Variants in SLC24A2 observed in about 807,000 individuals in gnomAD.
SLC24A2 encodes sodium/potassium/calcium exchanger 2.
Under a neutral mutation model 62.0 loss-of-function variants are expected in SLC24A2, and 36 were observed. The observed-to-expected ratio is 0.58, with a 90% CI of 0.44 to 0.77. SLC24A2 has a LOEUF of 0.77. SLC24A2 is among the 30% of genes least tolerant of loss of function. The pLI, the probability that SLC24A2 is intolerant of heterozygous loss-of-function variation, is 0.00. For missense variants in SLC24A2, 846 were observed against 817.9 expected (o/e 1.03, Z -0.42); for synonymous variants, 358 against 294.0 (o/e 1.22, Z -2.23).
At chr9:19,525,765 GTTTTTTTTTTTT>G (rs71496823) in intron 9 of SLC24A2, among the ~76,000 whole-genome samples, 7 of 99,132 alleles carry the variant, frequency 7.1e-5, no homozygotes, top group African/African-American at 7.7e-5. Context: ...ACATGCTACT[GTTTTTTTTTTTT>G]TTTTTTTTTT....
At chr9:20,047,716 A>C in the SLC24A2 span, among the ~76,000 whole-genome samples, 1 of 150,062 alleles carries the variant, frequency 6.7e-6, no homozygotes, top group Non-Finnish European at 1.5e-5. Flanking sequence ...TCTCTTCAAT[A>C]AAGAAACTAA....
chr9:19,863,104 T>C, the SLC24A2 span, among the ~76,000 whole-genome samples: 1 of 151,976 alleles, frequency 6.6e-6, no homozygotes, highest in Non-Finnish European at 1.5e-5. Flanking sequence ...GTTGCTGTAC[T>C]TATGCAAAAT....
intron 2 of SLC24A2, among the ~76,000 whole-genome samples, chr9:19,763,433 G>T (rs1441907064): frequency 6.6e-6 from 1 of 152,198 alleles, no homozygotes; most frequent in Non-Finnish European, 1.5e-5. Flanking sequence ...TGTCCATTCA[G>T]TATGATATTG....
the SLC24A2 span, among the ~76,000 whole-genome samples, chr9:20,268,138 G>C: frequency 1.3e-5 from 2 of 152,200 alleles, no homozygotes; most frequent in Non-Finnish European, 2.9e-5. Flanking sequence ...GATTAACACT[G>C]ATGTGGGAAG....
chr9:19,575,958 A>G (rs1313890469), intron 6 of SLC24A2, among the ~76,000 whole-genome samples: 1 of 137,712 alleles, frequency 7.3e-6, no homozygotes, highest in Admixed American at 6.9e-5. Context: ...AGAAGCATAA[A>G]GAAGCAGAAA....
At chr9:19,608,914 C>A (rs1837067777) in intron 4 of SLC24A2, among the ~76,000 whole-genome samples, 1 of 152,162 alleles carries the variant, frequency 6.6e-6, no homozygotes, top group Non-Finnish European at 1.5e-5. Flanking sequence ...CTCAAAGGAA[C>A]CACGTTTTGG....
At chr9:19,551,325 C>T (rs1377369737) in intron 7 of SLC24A2, among the ~76,000 whole-genome samples, 1 of 152,224 alleles carries the variant, frequency 6.6e-6, no homozygotes, top group Non-Finnish European at 1.5e-5. Flanking sequence ...GAGTCTCTGA[C>T]TTGGCAGCCA....
the SLC24A2 span, among the ~76,000 whole-genome samples, chr9:20,263,969 C>A: frequency 6.7e-6 from 1 of 150,366 alleles, no homozygotes; most frequent in African/African-American, 2.4e-5. Flanking sequence ...GGATGGTTTC[C>A]TTTCTTGCTC....
intron 7 of SLC24A2, among the ~76,000 whole-genome samples, chr9:19,567,495 G>A (rs1412259377): frequency 7.0e-5 from 10 of 142,068 alleles, no homozygotes; most frequent in African/African-American, 1.1e-4. Flanking sequence ...GCAGTGAGCC[G>A]AGATAGTGCC....
chr9:19,600,693 T>C (rs1836818172), intron 4 of SLC24A2, among the ~76,000 whole-genome samples: 1 of 152,178 alleles, frequency 6.6e-6, no homozygotes, highest in Non-Finnish European at 1.5e-5. Flanking sequence ...TGGTGTTGCT[T>C]AGCAATATCA....
intron 7 of SLC24A2, among the ~76,000 whole-genome samples, chr9:19,563,709 T>TGTCGCCTAGGCTGGAGTGCACTAGGGTGA (rs1563968510): frequency 7.1e-5 from 10 of 140,232 alleles, no homozygotes; most frequent in African/African-American, 3.1e-4. Flanking sequence ...TTACTTCCTT[T>TGTCGCCTAGGCTGGAGTGCACTAGGGTGA]TCCAACAATC....
At chr9:19,784,998 C>T (rs1823120132) in intron 2 of SLC24A2, among the ~76,000 whole-genome samples, 1 of 152,118 alleles carries the variant, frequency 6.6e-6, no homozygotes, top group Non-Finnish European at 1.5e-5. Flanking sequence ...AGAATTTTCC[C>T]AGATGCTGGC....
chr9:19,533,177 T>A (rs1475322424), intron 8 of SLC24A2, among the ~76,000 whole-genome samples: 1 of 152,180 alleles, frequency 6.6e-6, no homozygotes, highest in Non-Finnish European at 1.5e-5. Flanking sequence ...GAAAAAATCA[T>A]GTTTTCCTTG....
intron 8 of SLC24A2, among the ~76,000 whole-genome samples, chr9:19,535,647 A>G (rs190703169): frequency 6.6e-6 from 1 of 152,286 alleles, no homozygotes; most frequent in East Asian, 1.9e-4. Context: ...AGGTTTGTCA[A>G]AGATTAGATG....
the SLC24A2 span, among the ~76,000 whole-genome samples, chr9:19,989,711 C>T: frequency 4.4e-3 from 670 of 152,330 alleles, 6 homozygotes; most frequent in African/African-American, 0.016. Context: ...GGAACCTAGA[C>T]AACTACATGG....
the SLC24A2 span, among the ~76,000 whole-genome samples, chr9:20,251,850 C>A: frequency 2.6e-5 from 4 of 152,330 alleles, no homozygotes; most frequent in Non-Finnish European, 5.9e-5. Context: ...CTCATGGACT[C>A]AAGATGCTGC....
At chr9:20,109,690 T>C in the SLC24A2 span, among the ~76,000 whole-genome samples, 1 of 152,196 alleles carries the variant, frequency 6.6e-6, no homozygotes, top group Non-Finnish European at 1.5e-5. Flanking sequence ...CCCATACACC[T>C]ATTCCCTCTA....
intron 8 of SLC24A2, among the ~76,000 whole-genome samples, chr9:19,535,305 C>A (rs1241259668): frequency 6.6e-6 from 1 of 152,158 alleles, no homozygotes; most frequent in Non-Finnish European, 1.5e-5. Flanking sequence ...TGTAGGTTGC[C>A]TATTCACTCT....
At chr9:19,546,909 T>A (rs1834606375) in intron 8 of SLC24A2, among the ~76,000 whole-genome samples, 1 of 152,092 alleles carries the variant, frequency 6.6e-6, no homozygotes, top group African/African-American at 2.4e-5. Flanking sequence ...CATGGCACAG[T>A]CCCTCACAGC....
Sources: allele counts gnomAD v4.1 joint callset (sites outside exome capture counted in the v4.1 genomes callset), GRCh38; gene constraint gnomAD v4.1.1; transcripts MANE v1.5; gene names NCBI Gene and HGNC (gene_info 2026-07-23, HGNC 2026-07-21).